DAB1: variants seen among roughly 807,000 people sequenced by gnomAD.
DAB1 encodes disabled homolog 1.
DAB1 carries 15 observed loss-of-function variants against 64.6 expected under a neutral mutation model. The observed-to-expected ratio is 0.23, with a 90% CI of 0.16 to 0.36. The LOEUF is 0.36. Ranked by LOEUF, DAB1 falls within the 10% of genes least tolerant of loss-of-function variation. The pLI, the probability that DAB1 is intolerant of heterozygous loss-of-function variation, is 1.00. For synonymous variants in DAB1, 235 were observed against 251.9 expected (o/e 0.93, Z 0.64); for missense variants, 596 against 706.7 (o/e 0.84, Z 1.78).
intron 4 of DAB1, among the ~76,000 whole-genome samples, chr1:58,150,982 G>A (rs1161656552): frequency 6.6e-6 from 1 of 152,076 alleles, no homozygotes; most frequent in Non-Finnish European, 1.5e-5. Context: ...TGAGAATGGT[G>A]GTATCCAGCT....
chr1:57,580,823 T>C (rs1570646031), intron 7 of DAB1, among the ~76,000 whole-genome samples: 2 of 152,332 alleles, frequency 1.3e-5, no homozygotes, highest in East Asian at 1.9e-4. Flanking sequence ...GTATCCAGTA[T>C]ACAAATGGGT....
intron 2 of DAB1, among the ~76,000 whole-genome samples, chr1:58,514,018 G>C (rs780040155): frequency 1.6e-4 from 25 of 152,280 alleles, no homozygotes; most frequent in Non-Finnish European, 2.1e-4. Flanking sequence ...GAATTGTCAA[G>C]TTAAAATGTG....
chr1:57,933,115 T>C (rs1644976875), intron 5 of DAB1, among the ~76,000 whole-genome samples: 1 of 152,226 alleles, frequency 6.6e-6, no homozygotes, highest in Non-Finnish European at 1.5e-5. Flanking sequence ...GTGTGGAGTC[T>C]CCCTTTGAAT....
At chr1:58,355,105 A>T (rs578009589) in intron 3 of DAB1, among the ~76,000 whole-genome samples, 4 of 152,166 alleles carry the variant, frequency 2.6e-5, no homozygotes, top group Admixed American at 6.5e-5. Flanking sequence ...AAAAGCTGAG[A>T]AATGGTTTCT....
intron 7 of DAB1, among the ~76,000 whole-genome samples, chr1:57,587,722 T>C (rs1645397375): frequency 2.0e-5 from 3 of 152,318 alleles, no homozygotes; most frequent in African/African-American, 7.2e-5. Flanking sequence ...TTATTTCTGT[T>C]TCACAATTGA....
At chr1:58,142,205 T>G (rs1473357672) in intron 5 of DAB1, among the ~76,000 whole-genome samples, 2 of 152,170 alleles carry the variant, frequency 1.3e-5, no homozygotes, top group African/African-American at 4.8e-5. Flanking sequence ...TCCGGCCAAG[T>G]TCCTGCCACA....
chr1:58,229,093 G>C, intron 4 of DAB1: 1 of 240,342 alleles, frequency 4.2e-6, no homozygotes, highest in South Asian at 6.3e-5. Flanking sequence ...CAGCCTCCTC[G>C]GTACCTGGTA....
chr1:57,377,207 T>G (rs1237484236), intron 1 of DAB1, among the ~76,000 whole-genome samples: 3 of 150,972 alleles, frequency 2.0e-5, no homozygotes, highest in African/African-American at 7.3e-5. Flanking sequence ...GAGGTGGAGG[T>G]TGCAGTGAGC....
intron 2 of DAB1, among the ~76,000 whole-genome samples, chr1:57,168,602 T>G (rs1026806174): frequency 6.6e-6 from 1 of 152,196 alleles, no homozygotes; most frequent in African/African-American, 2.4e-5. Context: ...GGTCTTGAGA[T>G]TTTTTGGTTG....
At chr1:57,522,341 T>A (rs568247854) in intron 7 of DAB1, among the ~76,000 whole-genome samples, 1 of 152,222 alleles carries the variant, frequency 6.6e-6, no homozygotes, top group South Asian at 2.1e-4. Context: ...CCAGAAACCC[T>A]AAACTTGCAG....
At chr1:57,557,004 A>C (rs1467538889) in intron 7 of DAB1, among the ~76,000 whole-genome samples, 1 of 152,142 alleles carries the variant, frequency 6.6e-6, no homozygotes, top group Non-Finnish European at 1.5e-5. Context: ...TGTTTGTTGA[A>C]TAGGGTGCCC....
rs1491339883 is a variant in DAB1 at position 57,367,109 on chromosome 1, A to AAAATAAAATAAAATAAAAT, written c.-137+56820_-137+56821insATTTTATTTTATTTTATTT. Among the ~76,000 whole-genome samples, 396 of 131,688 alleles carry AAAATAAAATAAAATAAAAT rather than the reference A, an allele frequency of 3.0e-3. 6 individuals are homozygous for AAAATAAAATAAAATAAAAT. The highest frequency in any genetic ancestry group is 0.012 in the African/African-American group (388 of 32,238). The allele number at this position is 131,688 out of a possible 152,430, so 86.4% of individuals were successfully genotyped here. A position where few individuals can be genotyped will look rare whatever the true frequency, so the allele number is the denominator to read the frequency against. ...AAAATAAAATAAAATAAAATAAAAT[A>AAAATAAAATAAAATAAAAT]AAATAAAATAAATAAATTAGCCAGG... On this transcript the variant is annotated intron_variant, in intron 1 of 14. Transcript: ENST00000371236.
At chr1:57,610,171 G>C (rs1645709001) in intron 7 of DAB1, among the ~76,000 whole-genome samples, 1 of 152,142 alleles carries the variant, frequency 6.6e-6, no homozygotes, top group African/African-American at 2.4e-5. Context: ...TTTTCATTCT[G>C]AGCACACAGT....
intron 7 of DAB1, among the ~76,000 whole-genome samples, chr1:57,617,672 T>C (rs918580002): frequency 6.6e-6 from 1 of 152,168 alleles, no homozygotes; most frequent in African/African-American, 2.4e-5. Flanking sequence ...TTTGCTGACA[T>C]TTTATAAAAT....
chr1:58,220,491 G>T (rs528516224), intron 4 of DAB1, among the ~76,000 whole-genome samples: 7 of 152,246 alleles, frequency 4.6e-5, no homozygotes, highest in East Asian at 3.9e-4. Flanking sequence ...GCAAGGGGCT[G>T]GGGGGAAGGT....
chr1:58,359,232 G>A (rs548522323), intron 3 of DAB1, among the ~76,000 whole-genome samples: 41 of 152,126 alleles, frequency 2.7e-4, no homozygotes, highest in Non-Finnish European at 5.0e-4. Context: ...CAGAAATGTT[G>A]CCCCTCTTCT....
chr1:57,429,320 G>T (rs777517257), intron 7 of DAB1, among the ~76,000 whole-genome samples: 3 of 152,048 alleles, frequency 2.0e-5, no homozygotes, highest in Non-Finnish European at 2.9e-5. Context: ...TCCTTTGCCC[G>T]TTTTAAAAAT....
intron 4 of DAB1, among the ~76,000 whole-genome samples, chr1:58,168,535 G>A (rs188173346): frequency 2.2e-4 from 34 of 152,120 alleles, no homozygotes; most frequent in Non-Finnish European, 3.8e-4. Context: ...ATGATTTCTA[G>A]TATAAACTCC....
chr1:57,518,856 C>T (rs1440025730), intron 7 of DAB1, among the ~76,000 whole-genome samples: 1 of 152,118 alleles, frequency 6.6e-6, no homozygotes, highest in African/African-American at 2.4e-5. Context: ...AGTAACAAAC[C>T]TTTTATATCC....
Sources: allele counts gnomAD v4.1 joint callset (sites outside exome capture counted in the v4.1 genomes callset), GRCh38; gene constraint gnomAD v4.1.1; transcripts MANE v1.5; gene names NCBI Gene and HGNC (gene_info 2026-07-23, HGNC 2026-07-21).